Variants in LRP1B observed in about 807,000 individuals in gnomAD.
The protein encoded by LRP1B is LDL receptor related protein 1B, also known as low-density lipoprotein receptor-related protein 1B.
Under a neutral mutation model 556.6 loss-of-function variants are expected in LRP1B, and 217 were observed. The observed-to-expected ratio is 0.39, with a 90% CI of 0.35 to 0.44. The LOEUF (loss-of-function observed/expected upper bound fraction) is 0.44. LRP1B is among the 20% of genes least tolerant of loss of function. The pLI, the probability that LRP1B is intolerant of heterozygous loss-of-function variation, is 1.00. For synonymous variants in LRP1B, 2,047 were observed against 1,865.8 expected (o/e 1.10, Z -2.50); for missense variants, 5,053 against 5,620.8 (o/e 0.90, Z 3.23).
chr2:140,558,287 C>T (rs1458186976), intron 43 of LRP1B, among the ~76,000 whole-genome samples: 1 of 152,036 alleles, frequency 6.6e-6, no homozygotes, highest in Non-Finnish European at 1.5e-5. Context: ...TATATGTCTA[C>T]ACTAAAATTT....
intron 1 of LRP1B, among the ~76,000 whole-genome samples, chr2:141,923,464 G>A (rs867553570): frequency 2.6e-5 from 3 of 115,794 alleles, no homozygotes; most frequent in African/African-American, 5.7e-5. Flanking sequence ...GTGTGTGTGT[G>A]TGTGTGTGTG....
At chr2:141,321,430 A>C (rs1360045451) in intron 3 of LRP1B, among the ~76,000 whole-genome samples, 1 of 152,086 alleles carries the variant, frequency 6.6e-6, no homozygotes, top group African/African-American at 2.4e-5. Context: ...CTCCATAAAA[A>C]TTTTCCAGCA....
chr2:140,733,470 C>T (rs1015001445), intron 35 of LRP1B, among the ~76,000 whole-genome samples: 3 of 152,224 alleles, frequency 2.0e-5, no homozygotes, highest in South Asian at 2.1e-4. Flanking sequence ...CAAAAACAAA[C>T]ATCTATCATT....
chr2:140,321,812 G>GA, intron 82 of LRP1B, 151 bp downstream of exon 82: 1 of 703,434 alleles, frequency 1.4e-6, no homozygotes, highest in Non-Finnish European at 2.4e-6. Flanking sequence ...CTTCTCCAGA[G>GA]AAAAGTACAG....
intron 86 of LRP1B, among the ~76,000 whole-genome samples, chr2:140,260,586 C>T (rs1208603537): frequency 6.6e-6 from 1 of 151,618 alleles, no homozygotes; most frequent in Non-Finnish European, 1.5e-5. Context: ...ATATATATTA[C>T]ATTAGCCACA....
intron 2 of LRP1B, among the ~76,000 whole-genome samples, chr2:141,527,738 G>A (rs1684737497): frequency 6.6e-6 from 1 of 152,028 alleles, no homozygotes; most frequent in Non-Finnish European, 1.5e-5. Context: ...GAATTTCCAG[G>A]TAATTGAAAT....
chr2:141,684,094 C>T (rs148758623), intron 2 of LRP1B, among the ~76,000 whole-genome samples: 27 of 152,074 alleles, frequency 1.8e-4, no homozygotes, highest in African/African-American at 6.3e-4. Flanking sequence ...CCAGCAATCC[C>T]ATTACTGGGT....
intron 1 of LRP1B, among the ~76,000 whole-genome samples, chr2:141,881,808 A>T (rs1698966996): frequency 6.6e-6 from 1 of 152,184 alleles, no homozygotes; most frequent in African/African-American, 2.4e-5. Context: ...GAGTCAAATC[A>T]CCTAGAAATC....
chr2:140,673,497 A>G (rs1335217139), intron 41 of LRP1B, among the ~76,000 whole-genome samples: 2 of 152,086 alleles, frequency 1.3e-5, no homozygotes, highest in Non-Finnish European at 1.5e-5. Flanking sequence ...TTTTTCCACC[A>G]TGCTCTTTAC....
At chr2:140,491,918 A>C (rs1386698897) in intron 57 of LRP1B, among the ~76,000 whole-genome samples, 2 of 152,178 alleles carry the variant, frequency 1.3e-5, no homozygotes, top group Non-Finnish European at 2.9e-5. Context: ...TACATGTCTT[A>C]AGCACAAGGA....
In LRP1B at chr2:140,284,326, C is replaced by T. The variant is rs568607565; in HGVS notation, c.12968-9728G>A. On this transcript the variant is annotated intron_variant, in intron 84 of 90. Coordinates refer to ENST00000389484, the MANE Select transcript of LRP1B (RefSeq NM_018557.3). ...TCCCCCCCAAAAAAAAACCGTTTTTCAGAGTGCAAAGTAATGACTCAATTT... is the reference window on the plus strand; with the variant it reads ...TCCCCCCCAAAAAAAAACCGTTTTTTAGAGTGCAAAGTAATGACTCAATTT... Among the ~76,000 whole-genome samples, 6 of 103,526 alleles carry T rather than the reference C, an allele frequency of 5.8e-5. No individual in the cohort carries two copies. The South Asian group carries it at 2.0e-3, about 35-fold the overall frequency. The allele number at this position is 103,526 out of a possible 152,430, so 67.9% of individuals were successfully genotyped here. A position where few individuals can be genotyped will look rare whatever the true frequency, so the allele number is the denominator to read the frequency against.
chr2:141,263,977 G>A (rs972941876), intron 3 of LRP1B, among the ~76,000 whole-genome samples: 2 of 152,106 alleles, frequency 1.3e-5, no homozygotes, highest in Non-Finnish European at 2.9e-5. Flanking sequence ...TAATAGAGGG[G>A]AATTTCTTCA....
intron 67 of LRP1B, 137 bp downstream of exon 67, chr2:140,385,756 T>C (rs1030463986): frequency 1.5e-6 from 1 of 665,226 alleles, no homozygotes; most frequent in African/African-American, 1.8e-5. Context: ...AATATTCTTG[T>C]CCAAATGTGA....
chr2:141,359,979 G>A (rs1024099727), intron 3 of LRP1B, among the ~76,000 whole-genome samples: 2 of 150,712 alleles, frequency 1.3e-5, no homozygotes, highest in African/African-American at 2.4e-5. Flanking sequence ...TAGAAATATA[G>A]AAAGGTTAGA....
intron 7 of LRP1B, among the ~76,000 whole-genome samples, chr2:141,181,409 A>G (rs1053537878): frequency 3.9e-5 from 6 of 151,970 alleles, no homozygotes; most frequent in Non-Finnish European, 7.4e-5. Flanking sequence ...AGTGGACAGC[A>G]TTAACTAGTG....
intron 4 of LRP1B, 49 bp from the exon 5 acceptor site, chr2:141,247,403 T>C (rs1480800164): frequency 3.8e-6 from 6 of 1,579,772 alleles, no homozygotes; most frequent in Non-Finnish European, 4.3e-6. Context: ...TCTTGGGCAC[T>C]TTTTTTTCTC....
At position 141,055,229 on chromosome 2, in the gene LRP1B, T is replaced by C. The variant is rs368095663; in HGVS notation, c.1439A>G (p.Tyr480Cys). 15 of 1,611,236 alleles carry C rather than the reference T, an allele frequency of 9.3e-6. No homozygotes were observed. The highest frequency in any genetic ancestry group is 1.3e-5 in the Non-Finnish European group (15 of 1,178,464). ...VRSHACEVDPYGMPGGCSHIC... is the reference protein window; with the variant it reads ...VRSHACEVDPCGMPGGCSHIC... ...GTGTGAACAGCCCCCTGGCATTCCA[T>C]ATGGATCGACTTCACATGCATGGCT... Residue 480 changes from tyrosine to cysteine, a missense_variant, in exon 10 of 91, where the codon TAT becomes TGT. Transcript: ENST00000389484.
intron 43 of LRP1B, among the ~76,000 whole-genome samples, chr2:140,546,801 G>T (rs938668629): frequency 2.6e-4 from 40 of 152,208 alleles, no homozygotes; most frequent in African/African-American, 8.9e-4. Context: ...CTGTGGATTT[G>T]TCATAGATGG....
chr2:142,127,532 ATTTTCTC>A (rs1707698876), intron 1 of LRP1B, among the ~76,000 whole-genome samples: 1 of 151,608 alleles, frequency 6.6e-6, no homozygotes, highest in African/African-American at 2.4e-5. Flanking sequence ...TACCTTTTCC[ATTTTCTC>A]TTTTCTCTCT....
Sources: gnomAD v4.1 joint callset for allele counts (sites outside exome capture counted in the v4.1 genomes callset) on GRCh38, gnomAD v4.1.1 for gene constraint, MANE v1.5 for transcripts, NCBI Gene and HGNC (gene_info 2026-07-23, HGNC 2026-07-21) for gene names.